The following CHRDL2 variants were observed in gnomAD, a reference collection of about 807,000 sequenced individuals.
CHRDL2 encodes the protein chordin like 2.
In CHRDL2, 41 loss-of-function variants were observed where a neutral mutation model predicts 54.3. The observed-to-expected ratio is 0.76, with a 90% confidence interval of 0.59 to 0.98. CHRDL2 has a LOEUF of 0.98. CHRDL2 is among the 50% of genes least tolerant of loss of function. The probability of loss-of-function intolerance (pLI) is 0.00; values close to 1 mark genes in which losing one functional copy is unlikely to be tolerated. For missense variants in CHRDL2, 518 were observed against 562.4 expected (o/e 0.92, Z 0.80); for synonymous variants, 220 against 224.3 (o/e 0.98, Z 0.17).
At chr11:74,724,489 TGCTTTTCCAGCAAAA>T (rs1477817188) in intron 1 of CHRDL2, among the ~76,000 whole-genome samples, 2 of 152,258 alleles carry the variant, frequency 1.3e-5, no homozygotes, top group African/African-American at 4.8e-5. Flanking sequence ...GGCTCCTGCC[TGCTTTTCCAGCAAAA>T]CTTTTTGTGG....
intron 1 of CHRDL2, among the ~76,000 whole-genome samples, chr11:74,727,054 AGT>A (rs1419237756): frequency 6.6e-6 from 1 of 152,210 alleles, no homozygotes; most frequent in Non-Finnish European, 1.5e-5. Flanking sequence ...CAAAGGCCAG[AGT>A]GGACTCGGAA....
intron 1 of CHRDL2, among the ~76,000 whole-genome samples, chr11:74,721,641 G>A (rs188396930): frequency 5.1e-4 from 78 of 152,396 alleles, no homozygotes; most frequent in African/African-American, 1.8e-3. Context: ...ACTGCCAGAC[G>A]GCGACAGGCC....
intron 2 of CHRDL2, 41 bp downstream of exon 2, chr11:74,718,679 A>T: frequency 7.3e-7 from 1 of 1,369,542 alleles, no homozygotes; most frequent in South Asian, 1.2e-5. Flanking sequence ...GGGTTCTCAG[A>T]CATCCCTGAC....
At chr11:74,727,508 A>G (rs575631994) in intron 1 of CHRDL2, among the ~76,000 whole-genome samples, 1 of 152,286 alleles carries the variant, frequency 6.6e-6, no homozygotes, top group South Asian at 2.1e-4. Context: ...GGGCTCAAGC[A>G]ATCCTTCCAC....
Position 74,696,455 on chromosome 11 carries a change from T to A in CHRDL2, c.*54A>T, listed in dbSNP as rs768604730. 2 of 1,400,558 alleles carry A rather than the reference T, an allele frequency of 1.4e-6. No individual in the cohort carries two copies. Among genetic ancestry groups the A allele is most frequent in the South Asian group, 2.4e-5 (2 of 84,916 alleles). 86.8% of individuals were successfully genotyped at this position (1,400,558 alleles called of 1,614,324 possible). On this transcript the variant is annotated 3_prime_UTR_variant, in exon 11 of 11. Transcript: ENST00000376332. ...GAGGGTAATGCAACTTCTTATTTAT[T>A]AATATATAATAACAACAATTATACA...
Position 74,696,596 on chromosome 11 carries a change from G to A in CHRDL2, c.1214-11C>T, listed in dbSNP as rs1565144525. On this transcript the variant is annotated splice_polypyrimidine_tract_variant and intron_variant, in intron 10 of 10. Transcript: ENST00000376332. ...AGACGTTCCAGTGACCTGCATGGAG[G>A]AGGGCAGAAGAGGGAAGAGGCGTAT... is the stretch of plus-strand genomic sequence containing the variant. 1 of 1,598,140 alleles carries A rather than the reference G, an allele frequency of 6.3e-7. No homozygotes were observed. The highest frequency in any genetic ancestry group is 1.3e-5 in the African/African-American group (1 of 74,680).
At chr11:74,726,997 A>T (rs1443001564) in intron 1 of CHRDL2, among the ~76,000 whole-genome samples, 1 of 151,430 alleles carries the variant, frequency 6.6e-6, no homozygotes, top group Non-Finnish European at 1.5e-5. Flanking sequence ...CTGCCTGTCC[A>T]CTCCTCCCTG....
At chr11:74,699,530 G>C (rs1444895671) in intron 9 of CHRDL2, 7 of 152,328 alleles carry the variant, frequency 4.6e-5, no homozygotes, top group African/African-American at 9.6e-5. Context: ...GAGTAGGAGT[G>C]GGGGTATGTA....
chr11:74,718,796 T>G lies in CHRDL2; in HGVS notation c.119A>C (p.Tyr40Ser). Reference sequence around the variant, plus strand: ...GGGGTGCCAGCTCTCGCCGGGGGAGTATCTCTTCCCATGGAAAAGGCAGAA... The same window carrying G: ...GGGGTGCCAGCTCTCGCCGGGGGAGGATCTCTTCCCATGGAAAAGGCAGAA... ...DMFCLFHGKR[Y>S]SPGESWHPYL... The change falls in exon 2 of 11, where the codon TAC (tyrosine) becomes TCC (serine). Residue 40 changes from tyrosine to serine, a missense_variant. Coordinates refer to ENST00000376332, the MANE Select transcript of CHRDL2 (RefSeq NM_001278473.3). 6.2e-7 allele frequency: 1 copy of G among 1,612,962 alleles called. No homozygotes were observed. Among genetic ancestry groups the G allele is most frequent in the Non-Finnish European group, 8.5e-7 (1 of 1,179,566 alleles).
chr11:74,697,663 G>A (rs1418159354), intron 9 of CHRDL2: 4 of 459,066 alleles, frequency 8.7e-6, no homozygotes, highest in South Asian at 6.2e-5. Flanking sequence ...TCTTCTGTCT[G>A]TTCTCTTTGC....
rs758311562 is a variant in CHRDL2, at chr11:74,704,609, C to T, written c.628G>A (p.Gly210Ser). The part of the protein sequence containing the change: ...PCSSDAGRKR[G>S]PGTPAPTGLS... ...CCAGTGGGGGCTGGGGTGCCCGGGC[C>T]TCTCTTTCTCCCAGCATCACTGGAA... The change falls in exon 7 of 11, where the codon GGC becomes AGC. Residue 210 changes from glycine to serine, a missense_variant. By Grantham distance (56) the Gly-to-Ser change is moderately conservative (BLOSUM62 0). Coordinates refer to ENST00000376332, the MANE Select transcript of CHRDL2 (RefSeq NM_001278473.3). 4.4e-6 allele frequency: 7 copies of T among 1,603,396 alleles called. No individual in the cohort carries two copies. The highest frequency in any genetic ancestry group is 5.1e-6 in the Non-Finnish European group (6 of 1,175,202).
chr11:74,706,604 T>G, intron 5 of CHRDL2, 62 bp from the exon 6 acceptor site: 1 of 1,511,078 alleles, frequency 6.6e-7, no homozygotes, highest in Non-Finnish European at 9.2e-7. Flanking sequence ...GCTAGAGCCC[T>G]GAGGCCTCCA....
At chr11:74,714,389 C>T (rs148106587) in intron 2 of CHRDL2, among the ~76,000 whole-genome samples, 17 of 152,286 alleles carry the variant, frequency 1.1e-4, no homozygotes, top group South Asian at 6.2e-4. Flanking sequence ...GAAGGAAGCC[C>T]GCTTTGTTCA....
chr11:74,701,972 T>C (rs1055841833), intron 9 of CHRDL2, among the ~76,000 whole-genome samples: 4 of 152,134 alleles, frequency 2.6e-5, no homozygotes, highest in Admixed American at 2.0e-4. Context: ...GATGAAAACC[T>C]GCTGGGTGTC....
Position 74,701,200 on chromosome 11 carries a change from C to T in CHRDL2, c.1120+1594G>A, listed in dbSNP as rs546067559. 6.5e-4 allele frequency: 115 copies of T among 176,010 alleles called. 1 individual carries two copies. The highest frequency in any genetic ancestry group is 2.6e-3 in the African/African-American group (111 of 42,624). 10.9% of individuals were successfully genotyped at this position (176,010 alleles called of 1,614,324 possible). On this transcript the variant is annotated intron_variant, in intron 9 of 10. Transcript: ENST00000376332. ...GCCTCGTGTATGTCAGGGGCTGCAC[C>T]GATGTCATGTCATTTAATCCTCTAA...
rs1275423320 is a variant in CHRDL2 at position 74,703,906 on chromosome 11, C to T, written c.752-407G>A. Among the ~76,000 whole-genome samples, 10 of 152,302 alleles carry T rather than the reference C, an allele frequency of 6.6e-5. No individual in the cohort carries two copies. In the East Asian group the frequency reaches 1.9e-3, roughly 29 times the overall value. The stretch of plus-strand genomic sequence containing the variant: ...ACAAGGCAGGGCCAGGACTCAGTAG[C>T]CCCATAGCTCTTCCTTCTCCAGCCA... On this transcript the variant is annotated intron_variant, in intron 7 of 10. Transcript: ENST00000376332.
At chr11:74,726,430 T>C (rs2034571793) in intron 1 of CHRDL2, among the ~76,000 whole-genome samples, 1 of 152,156 alleles carries the variant, frequency 6.6e-6, no homozygotes, top group Non-Finnish European at 1.5e-5. Flanking sequence ...AGAAATGGCC[T>C]TAATTTGTAA....
chr11:74,724,323 G>C (rs1450865218), intron 1 of CHRDL2, among the ~76,000 whole-genome samples: 1 of 152,240 alleles, frequency 6.6e-6, no homozygotes, highest in Non-Finnish European at 1.5e-5. Context: ...TTTCCCACAG[G>C]AAGTGTCCAC....
chr11:74,703,436 A>G lies in CHRDL2; in HGVS notation c.815T>C (p.Phe272Ser), dbSNP rs749191826. 1.2e-6 allele frequency: 2 copies of G among 1,612,908 alleles called. No individual in the cohort carries two copies. The highest frequency in any genetic ancestry group is 1.7e-6 in the Non-Finnish European group (2 of 1,179,448). Residue 272 changes from phenylalanine to serine, a missense_variant, in exon 8 of 11, where the codon TTC becomes TCC. Physicochemically the swap from Phe to Ser is radical, Grantham distance 155. Transcript: ENST00000376332. ...GEVWHPAFRAFGPLPCILCTC... is the reference protein window; with the variant it reads ...GEVWHPAFRASGPLPCILCTC... ...GCATAGGATGCAGGGCAAGGGGCCG[A>G]AGGCACGGAAGGCCGGGTGCCACAC...
Sources: gnomAD v4.1 joint callset for allele counts (sites outside exome capture counted in the v4.1 genomes callset) on GRCh38, gnomAD v4.1.1 for gene constraint, MANE v1.5 for transcripts, NCBI Gene and HGNC (gene_info 2026-07-23, HGNC 2026-07-21) for gene names.